TTC39B: variants seen among roughly 807,000 people sequenced by gnomAD.
The protein encoded by TTC39B is tetratricopeptide repeat protein 39B.
In TTC39B, 92 loss-of-function variants were observed where a neutral mutation model predicts 96.6. That is an observed-to-expected ratio of 0.95 (90% CI 0.80 to 1.13). TTC39B has a LOEUF of 1.13. Ranked by LOEUF, TTC39B falls within the 50% of genes most tolerant of loss-of-function variation. TTC39B has a pLI of 0.00. For missense variants in TTC39B, 955 were observed against 809.3 expected (o/e 1.18, Z -2.18); for synonymous variants, 367 against 299.4 (o/e 1.23, Z -2.33).
intron 18 of TTC39B, among the ~76,000 whole-genome samples, chr9:15,176,483 ACTGT>A (rs1817944851): frequency 1.3e-5 from 2 of 152,190 alleles, no homozygotes; most frequent in South Asian, 4.1e-4. Context: ...TCCCATCAAT[ACTGT>A]CAGGAAGAAG....
chr9:15,300,912 A>AG (rs1449485362), intron 1 of TTC39B, among the ~76,000 whole-genome samples: 1 of 144,266 alleles, frequency 6.9e-6, no homozygotes, highest in Non-Finnish European at 1.5e-5. Flanking sequence ...AAAAAAAAAA[A>AG]AAAAAACCTT....
chr9:15,167,121 C>T (rs1817545048), exon 20 of TTC39B: 1 of 126,574 alleles, frequency 7.9e-6, no homozygotes, highest in South Asian at 2.9e-4. Flanking sequence ...ACTGTAGCCT[C>T]AAACTCCTGG....
chr9:15,263,936 C>G lies in TTC39B; in HGVS notation c.275+3978G>C, dbSNP rs1401103753. On this transcript the variant is annotated intron_variant, in intron 2 of 19. Coordinates refer to ENST00000512701, the Ensembl canonical transcript of TTC39B. Reference sequence around the variant, plus strand: ...AATGCACACCAGAAACCTAAAAGAGCAAGATACATTCTAAAATGGGGAAAC... The same window carrying G: ...AATGCACACCAGAAACCTAAAAGAGGAAGATACATTCTAAAATGGGGAAAC... 2.0e-5 allele frequency among the ~76,000 whole-genome samples: 3 copies of G among 152,140 alleles called. No homozygotes were observed. The East Asian group carries it at 5.8e-4, about 29-fold the overall frequency.
At chr9:15,216,294 C>T (rs11791131) in intron 3 of TTC39B, among the ~76,000 whole-genome samples, 13,129 of 152,190 alleles carry the variant, frequency 0.086, 703 homozygotes, top group Non-Finnish European at 0.13. Flanking sequence ...GAACATATTA[C>T]GTGCTCAAAA....
At chr9:15,280,310 T>A (rs1823711003) in intron 1 of TTC39B, among the ~76,000 whole-genome samples, 1 of 152,028 alleles carries the variant, frequency 6.6e-6, no homozygotes, top group Admixed American at 6.6e-5. Context: ...GATCACAGAG[T>A]CCTCAAAGCC....
chr9:15,165,702 G>T (rs1817505009), exon 20 of TTC39B: 1 of 152,182 alleles, frequency 6.6e-6, no homozygotes, highest in African/African-American at 2.4e-5. Context: ...AGGGGGAAAA[G>T]CCCCTTATAA....
At chr9:15,205,804 C>G (rs1418622175) in intron 6 of TTC39B, among the ~76,000 whole-genome samples, 1 of 152,014 alleles carries the variant, frequency 6.6e-6, no homozygotes, top group Non-Finnish European at 1.5e-5. Context: ...GGGATGAAGT[C>G]CGTGGTGGTG....
chr9:15,279,446 T>G (rs895401940), intron 1 of TTC39B, among the ~76,000 whole-genome samples: 2 of 152,200 alleles, frequency 1.3e-5, no homozygotes, highest in Non-Finnish European at 1.5e-5. Flanking sequence ...TAAAGGGACT[T>G]GAGCTCACAA....
chr9:15,199,915 A>T (rs746162431), exon 8 of TTC39B: 2 of 1,541,740 alleles, frequency 1.3e-6, no homozygotes, highest in East Asian at 2.3e-5. Context: ...GAAGTTGATC[A>T]TATTTTCATC....
At chr9:15,187,927 T>G in intron 14 of TTC39B, 44 bp downstream of exon 14, 4 of 1,519,986 alleles carry the variant, frequency 2.6e-6, no homozygotes, top group Non-Finnish European at 3.5e-6. Flanking sequence ...ATCCTGGCCA[T>G]GTATTAGCAA....
In TTC39B at chr9:15,204,625, G is replaced by A. The variant is rs770179712; in HGVS notation, c.692-735C>T. 5.3e-5 allele frequency among the ~76,000 whole-genome samples: 8 copies of A among 152,080 alleles called. No individual in the cohort carries two copies. The South Asian group carries it at 1.7e-3, about 32-fold the overall frequency. On this transcript the variant is annotated intron_variant, in intron 6 of 19. Coordinates refer to ENST00000512701, the Ensembl canonical transcript of TTC39B. ...GCTAGCTTCTAAAATATGAAGGTATGGTAACCATGACACTAACCAGACACA... is the reference window on the plus strand; with the variant it reads ...GCTAGCTTCTAAAATATGAAGGTATAGTAACCATGACACTAACCAGACACA...
In TTC39B at chr9:15,306,562, GTACCCCTC is replaced by G. The variant is rs1400315301; in HGVS notation, c.240+514_240+521del. ...CAGCCCTGCCCTGCTGTCGCGGCAG[GTACCCCTC>G]TACTCATTGTTCCTCAGGCTGCCCC... is the stretch of plus-strand genomic sequence containing the variant. On this transcript the variant is annotated intron_variant, in intron 1 of 19. Coordinates refer to ENST00000512701, the Ensembl canonical transcript of TTC39B. This position sits in a 1 kb window ranked among gnomAD's most constrained non-coding sequence, Gnocchi z 5.1. 6.6e-6 allele frequency among the ~76,000 whole-genome samples: 1 copy of G among 152,184 alleles called. No individual in the cohort carries two copies. The highest frequency in any genetic ancestry group is 6.5e-5 in the Admixed American group (1 of 15,292).
chr9:15,191,298 C>T, intron 9 of TTC39B, 43 bp from the exon 10 acceptor site: 1 of 1,374,090 alleles, frequency 7.3e-7, no homozygotes, highest in South Asian at 1.3e-5. Context: ...GTTAGTGTTT[C>T]TAACTGCAAA....
chr9:15,172,053 G>A, exon 20 of TTC39B: 1 of 1,612,896 alleles, frequency 6.2e-7, no homozygotes, highest in South Asian at 1.1e-5. Context: ...GAGGTGAAGA[G>A]CTGCCTGAAT....
intron 3 of TTC39B, among the ~76,000 whole-genome samples, chr9:15,220,845 G>T (rs1820802731): frequency 6.6e-6 from 1 of 152,096 alleles, no homozygotes; most frequent in Admixed American, 6.6e-5. Context: ...ATCAGATTCA[G>T]GCTACACATT....
At chr9:15,247,334 T>C (rs1379396962) in intron 2 of TTC39B, among the ~76,000 whole-genome samples, 1 of 152,206 alleles carries the variant, frequency 6.6e-6, no homozygotes, top group East Asian at 1.9e-4. Context: ...GACTTCATTC[T>C]AAGGAAGAAC....
chr9:15,182,686 G>A (rs1201549829), intron 16 of TTC39B, among the ~76,000 whole-genome samples: 1 of 152,208 alleles, frequency 6.6e-6, no homozygotes, highest in East Asian at 1.9e-4. Flanking sequence ...TACAGATACA[G>A]AAATAAATAT....
chr9:15,254,552 G>A (rs1213892561), intron 2 of TTC39B, among the ~76,000 whole-genome samples: 1 of 151,354 alleles, frequency 6.6e-6, no homozygotes, highest in African/African-American at 2.4e-5. Flanking sequence ...TACTTCTATG[G>A]GATTGTCTGA....
At chr9:15,253,787 C>G (rs1822651476) in intron 2 of TTC39B, among the ~76,000 whole-genome samples, 1 of 152,094 alleles carries the variant, frequency 6.6e-6, no homozygotes, top group South Asian at 2.1e-4. Flanking sequence ...AACTATCACT[C>G]TTTTTTCCTA....
Sources: allele counts gnomAD v4.1 joint callset (sites outside exome capture counted in the v4.1 genomes callset), GRCh38; gene constraint gnomAD v4.1.1; non-coding constraint Gnocchi (gnomAD v3.1); transcripts MANE v1.5; gene names NCBI Gene and HGNC (gene_info 2026-07-23, HGNC 2026-07-21).